Variants in TRAPPC3L observed in about 807,000 individuals in gnomAD.
TRAPPC3L encodes the protein trafficking protein particle complex subunit 3-like protein.
In TRAPPC3L, 23 loss-of-function variants were observed where a neutral mutation model predicts 23.7. That is an observed-to-expected ratio of 0.97 (90% CI 0.70 to 1.37). The LOEUF is 1.37. TRAPPC3L is among the 40% of genes most tolerant of loss of function. The pLI is 0.00. For missense variants in TRAPPC3L, 212 were observed against 216.8 expected (o/e 0.98, Z 0.14); for synonymous variants, 81 against 77.9 (o/e 1.04, Z -0.21).
At chr6:116,506,359 AAAC>A (rs1772007605) in intron 3 of TRAPPC3L, among the ~76,000 whole-genome samples, 1 of 152,238 alleles carries the variant, frequency 6.6e-6, no homozygotes, top group Non-Finnish European at 1.5e-5. Context: ...AAAAGTCAGG[AAAC>A]AACAGATGCT....
At chr6:116,527,275 T>TG (rs146795617) in intron 3 of TRAPPC3L, among the ~76,000 whole-genome samples, 4,766 of 152,130 alleles carry the variant, frequency 0.031, 248 homozygotes, top group African/African-American at 0.11. Context: ...CCCAGCACTT[T>TG]GGGGGGCCGA....
At chr6:116,505,806 G>T (rs1378933618) in intron 3 of TRAPPC3L, among the ~76,000 whole-genome samples, 1 of 152,152 alleles carries the variant, frequency 6.6e-6, no homozygotes, top group Non-Finnish European at 1.5e-5. Flanking sequence ...GGGAAAACTG[G>T]CTAGCCATAT....
At chr6:116,507,955 A>C (rs1772035189) in intron 3 of TRAPPC3L, among the ~76,000 whole-genome samples, 1 of 152,200 alleles carries the variant, frequency 6.6e-6, no homozygotes, top group Non-Finnish European at 1.5e-5. Context: ...CTATAACTTA[A>C]TTCCTTGGCT....
At chr6:116,514,392 C>T (rs553917198) in intron 3 of TRAPPC3L, among the ~76,000 whole-genome samples, 6 of 152,294 alleles carry the variant, frequency 3.9e-5, no homozygotes, top group Admixed American at 2.0e-4. Flanking sequence ...GTAGTTGTGC[C>T]TCACTCATTA....
At chr6:116,515,482 T>A in intron 3 of TRAPPC3L, 1 of 1,069,040 alleles carries the variant, frequency 9.4e-7, no homozygotes, top group Non-Finnish European at 1.3e-6. Context: ...ATGAATGATT[T>A]CAAATGAGGT....
intron 2 of TRAPPC3L, among the ~76,000 whole-genome samples, chr6:116,542,182 A>G (rs990212353): frequency 5.9e-5 from 9 of 152,166 alleles, no homozygotes; most frequent in African/African-American, 2.2e-4. Flanking sequence ...TAACCTTAAC[A>G]TTCCTCACAG....
Position 116,540,479 on chromosome 6 carries a change from G to A in TRAPPC3L, c.141-17C>T. ...CCGTAACCCCTGTGGATGACGGAAA[G>A]AGTGTGGTCTGAAAATTCTAAGAAA... On this transcript the variant is annotated splice_polypyrimidine_tract_variant and intron_variant, in intron 2 of 4. Transcript: ENST00000368602. 1 of 1,548,318 alleles carries A rather than the reference G, an allele frequency of 6.5e-7. No homozygotes were observed. Among genetic ancestry groups the A allele is most frequent in the Non-Finnish European group, 8.7e-7 (1 of 1,145,472 alleles).
intron 3 of TRAPPC3L, 90 bp downstream of exon 3, chr6:116,540,273 G>T (rs1773355815): frequency 8.2e-7 from 1 of 1,217,414 alleles, no homozygotes; most frequent in Non-Finnish European, 1.2e-6. Context: ...AATGCAGATG[G>T]AACCTGTCCA....
intron 3 of TRAPPC3L, among the ~76,000 whole-genome samples, chr6:116,501,713 G>A (rs1267436465): frequency 6.6e-6 from 1 of 152,154 alleles, no homozygotes; most frequent in Non-Finnish European, 1.5e-5. Context: ...AGCCTCCGCT[G>A]GTGATACCCA....
At chr6:116,526,676 C>G (rs1772443271) in intron 3 of TRAPPC3L, among the ~76,000 whole-genome samples, 1 of 152,138 alleles carries the variant, frequency 6.6e-6, no homozygotes, top group South Asian at 2.1e-4. Flanking sequence ...TTACACCAGG[C>G]AGGGATGGCC....
chr6:116,524,267 T>C (rs1772403869), intron 3 of TRAPPC3L: 1 of 152,210 alleles, frequency 6.6e-6, no homozygotes, highest in South Asian at 2.1e-4. Flanking sequence ...ATTCATTACA[T>C]TATTCTCTTT....
chr6:116,540,355 A>T lies in TRAPPC3L; in HGVS notation c.240+8T>A. 2.6e-6 allele frequency: 4 copies of T among 1,550,154 alleles called. No homozygotes were observed. Among genetic ancestry groups the T allele is most frequent in the Non-Finnish European group, 3.5e-6 (4 of 1,146,078 alleles). ...AAAACATATTGACAGAGATAAAAAC[A>T]TAGTTACCTGGGCAATTATGTCTAT... On this transcript the variant is annotated splice_region_variant and intron_variant, in intron 3 of 4. Coordinates refer to ENST00000368602, the MANE Select transcript of TRAPPC3L (RefSeq NM_001139444.3).
In TRAPPC3L at chr6:116,540,352, A is replaced by G. The variant is rs1034770420; in HGVS notation, c.240+11T>C. On this transcript the variant is annotated intron_variant, in intron 3 of 4. Transcript: ENST00000368602. ...TTCAAAACATATTGACAGAGATAAA[A>G]ACATAGTTACCTGGGCAATTATGTC... The G allele has an allele frequency of 6.5e-7, 1 of 1,548,892 alleles. No homozygotes were observed. Among genetic ancestry groups the G allele is most frequent in the Non-Finnish European group, 8.7e-7 (1 of 1,145,010 alleles).
At chr6:116,502,314 A>G (rs1182669188) in intron 3 of TRAPPC3L, among the ~76,000 whole-genome samples, 1 of 152,250 alleles carries the variant, frequency 6.6e-6, no homozygotes. Flanking sequence ...GTGAGAAGGC[A>G]AGATTAGAGA....
At position 116,545,623 on chromosome 6, in the gene TRAPPC3L, C is replaced by T. The variant is rs1773737539; in HGVS notation, c.-109G>A. 1.0e-6 allele frequency: 1 copy of T among 981,784 alleles called. No homozygotes were observed. Among genetic ancestry groups the T allele is most frequent in the Non-Finnish European group, 1.5e-6 (1 of 664,910 alleles). The allele number at this position is 981,784 out of a possible 1,614,324, so 60.8% of individuals were successfully genotyped here. On this transcript the variant is annotated 5_prime_UTR_variant, in exon 1 of 5. Transcript: ENST00000368602. The stretch of plus-strand genomic sequence containing the variant: ...TTTTGTTTTTGTAAGCTCTTCCTCG[C>T]TTTGAGACAGGAGTGCTGCTTCTGC...
intron 3 of TRAPPC3L, chr6:116,529,149 C>G (rs548545970): frequency 6.7e-4 from 102 of 152,342 alleles, no homozygotes; most frequent in African/African-American, 2.4e-3. Context: ...AATAACTGAG[C>G]CTTTCACTTG....
At chr6:116,508,929 A>C (rs972877596) in intron 3 of TRAPPC3L, among the ~76,000 whole-genome samples, 1 of 152,114 alleles carries the variant, frequency 6.6e-6, no homozygotes, top group Non-Finnish European at 1.5e-5. Flanking sequence ...ATATATCTAG[A>C]AAAACCTAAA....
chr6:116,502,352 C>A (rs1421326876), intron 3 of TRAPPC3L, among the ~76,000 whole-genome samples: 1 of 152,122 alleles, frequency 6.6e-6, no homozygotes, highest in Non-Finnish European at 1.5e-5. Context: ...ATGAACAAAG[C>A]CTCCAAGAAA....
chr6:116,508,334 A>G (rs1004408135), intron 3 of TRAPPC3L, among the ~76,000 whole-genome samples: 9 of 152,154 alleles, frequency 5.9e-5, no homozygotes, highest in African/African-American at 2.2e-4. Context: ...GTAAGTGACA[A>G]AGACATTCTA....
Sources: allele counts gnomAD v4.1 joint callset (sites outside exome capture counted in the v4.1 genomes callset), GRCh38; gene constraint gnomAD v4.1.1; transcripts MANE v1.5; gene names NCBI Gene and HGNC (gene_info 2026-07-23, HGNC 2026-07-21).